Variants in RAB38 observed in about 807,000 individuals in gnomAD.
RAB38 encodes the protein RAB38, member RAS oncogene family.
A neutral mutation model predicts 18.4 loss-of-function variants in RAB38; 15 were observed. That is an observed-to-expected ratio of 0.82 (90% confidence interval 0.55 to 1.26). The LOEUF (loss-of-function observed/expected upper bound fraction) is 1.26. Ranked by LOEUF, RAB38 falls within the 50% of genes most tolerant of loss-of-function variation. The pLI is 0.00. For synonymous variants in RAB38, 101 were observed against 104.4 expected (o/e 0.97, Z 0.20); for missense variants, 294 against 267.4 (o/e 1.10, Z -0.69).
At chr11:88,080,088 T>C in the RAB38 span, among the ~76,000 whole-genome samples, 1 of 151,550 alleles carries the variant, frequency 6.6e-6, no homozygotes, top group African/African-American at 2.4e-5. Context: ...AGATAGGAAA[T>C]GGAGAAATAA....
chr11:87,936,184 G>GTCAAGTCTATAAA, the RAB38 span, among the ~76,000 whole-genome samples: 1 of 151,776 alleles, frequency 6.6e-6, no homozygotes, highest in Non-Finnish European at 1.5e-5. Flanking sequence ...TATGGATCGT[G>GTCAAGTCTATAAA]CTTTTGGTGT....
the RAB38 span, among the ~76,000 whole-genome samples, chr11:87,972,647 T>C: frequency 6.6e-6 from 1 of 152,226 alleles, no homozygotes; most frequent in South Asian, 2.1e-4. Context: ...TATGGTGAAT[T>C]ATATCACTGA....
the RAB38 span, among the ~76,000 whole-genome samples, chr11:88,062,433 A>C: frequency 6.6e-6 from 1 of 152,224 alleles, no homozygotes; most frequent in African/African-American, 2.4e-5. Context: ...TTTTCTTTAT[A>C]AATTACCCAG....
downstream of RAB38, among the ~76,000 whole-genome samples, chr11:88,112,401 A>G (rs1206490522): frequency 6.6e-6 from 1 of 152,152 alleles, no homozygotes; most frequent in East Asian, 1.9e-4. Context: ...CTCCCACTGG[A>G]AAGAGTAGAA....
At chr11:87,866,624 C>A in the RAB38 span, among the ~76,000 whole-genome samples, 1 of 151,694 alleles carries the variant, frequency 6.6e-6, no homozygotes, top group Non-Finnish European at 1.5e-5. Flanking sequence ...TGTCTCTGTT[C>A]ATTCCATTTC....
At chr11:87,806,289 G>T in the RAB38 span, among the ~76,000 whole-genome samples, 55 of 152,136 alleles carry the variant, frequency 3.6e-4, no homozygotes, top group Non-Finnish European at 5.4e-4. Context: ...AGTTCTAGAG[G>T]CTAAGCAATC....
the RAB38 span, among the ~76,000 whole-genome samples, chr11:88,017,179 G>A: frequency 6.6e-6 from 1 of 151,370 alleles, no homozygotes; most frequent in Non-Finnish European, 1.5e-5. Flanking sequence ...AGAGAGGAAA[G>A]GTCAGTTTAC....
chr11:88,145,330 G>A (rs998781357), intron 2 of RAB38, among the ~76,000 whole-genome samples: 8 of 152,012 alleles, frequency 5.3e-5, no homozygotes, highest in African/African-American at 1.7e-4. Context: ...TGTATTTTTA[G>A]TAGAGACGGG....
the RAB38 span, among the ~76,000 whole-genome samples, chr11:87,977,916 A>T: frequency 4.4e-5 from 5 of 114,022 alleles, no homozygotes; most frequent in Non-Finnish European, 8.3e-5. Context: ...TATATACATA[A>T]ATATGTAGTG....
chr11:88,069,019 T>C, the RAB38 span, among the ~76,000 whole-genome samples: 1 of 152,152 alleles, frequency 6.6e-6, no homozygotes, highest in Non-Finnish European at 1.5e-5. Flanking sequence ...AGGCTGGAGC[T>C]GGCTCCCTCT....
intron 2 of RAB38, among the ~76,000 whole-genome samples, chr11:88,137,204 G>A (rs1942846918): frequency 1.3e-5 from 2 of 152,108 alleles, no homozygotes; most frequent in East Asian, 1.9e-4. Flanking sequence ...TATTCAACAA[G>A]CCTTTCTAGA....
intron 2 of RAB38, among the ~76,000 whole-genome samples, chr11:88,122,825 A>G (rs983846320): frequency 1.3e-5 from 2 of 152,234 alleles, no homozygotes; most frequent in African/African-American, 2.4e-5. Flanking sequence ...TGGCACCTCT[A>G]TGTGCCAAGA....
chr11:87,822,953 G>A, the RAB38 span, among the ~76,000 whole-genome samples: 149 of 152,056 alleles, frequency 9.8e-4, no homozygotes, highest in African/African-American at 3.5e-3. Context: ...CCAAAATTAG[G>A]GAATTACTTT....
At chr11:87,807,462 C>T in the RAB38 span, among the ~76,000 whole-genome samples, 811 of 152,188 alleles carry the variant, frequency 5.3e-3, 6 homozygotes, top group African/African-American at 0.018. Flanking sequence ...AGCACAGCTA[C>T]GCTGTCTTCA....
the RAB38 span, among the ~76,000 whole-genome samples, chr11:87,819,770 G>GTA: frequency 2.9e-4 from 18 of 63,094 alleles, no homozygotes; most frequent in African/African-American, 7.8e-4. Flanking sequence ...ATATATATGT[G>GTA]TATATATATA....
At chr11:87,888,454 T>C in the RAB38 span, among the ~76,000 whole-genome samples, 3 of 151,976 alleles carry the variant, frequency 2.0e-5, no homozygotes, top group African/African-American at 7.2e-5. Flanking sequence ...TCTATCACTC[T>C]TTATCTGTAA....
At chr11:88,010,242 C>T in the RAB38 span, among the ~76,000 whole-genome samples, 1 of 152,124 alleles carries the variant, frequency 6.6e-6, no homozygotes, top group African/African-American at 2.4e-5. Context: ...TAATTGGCAA[C>T]ATATTTCATT....
At chr11:87,917,037 C>T in the RAB38 span, among the ~76,000 whole-genome samples, 2 of 152,056 alleles carry the variant, frequency 1.3e-5, no homozygotes, top group Non-Finnish European at 2.9e-5. Flanking sequence ...CATATTTAAC[C>T]AGTGGCAGGG....
the RAB38 span, among the ~76,000 whole-genome samples, chr11:87,947,735 C>T: frequency 6.6e-6 from 1 of 152,070 alleles, no homozygotes; most frequent in Non-Finnish European, 1.5e-5. Context: ...TGTTCTGTTC[C>T]ATTGGTCTAT....
Sources: allele counts gnomAD v4.1 joint callset (sites outside exome capture counted in the v4.1 genomes callset), GRCh38; gene constraint gnomAD v4.1.1; transcripts MANE v1.5; gene names NCBI Gene and HGNC (gene_info 2026-07-23, HGNC 2026-07-21).